Variants in POGK observed in about 807,000 individuals in gnomAD.
POGK encodes the protein pogo transposable element derived with KRAB domain.
Under a neutral mutation model 54.4 loss-of-function variants are expected in POGK, and 16 were observed. The observed-to-expected ratio is 0.29, with a 90% confidence interval of 0.20 to 0.45. The LOEUF is 0.45. Ranked by LOEUF, POGK falls within the 20% of genes least tolerant of loss-of-function variation. POGK has a pLI of 1.00. For synonymous variants in POGK, 271 were observed against 302.2 expected (o/e 0.90, Z 1.07); for missense variants, 515 against 795.6 (o/e 0.65, Z 4.24).
At chr1:166,844,329 A>G (rs139947006) in intron 2 of POGK, among the ~76,000 whole-genome samples, 152 of 152,266 alleles carry the variant, frequency 1.0e-3, no homozygotes, top group African/African-American at 3.6e-3. Flanking sequence ...AGGGAAAGGG[A>G]CTATAAATAG....
intron 1 of POGK, 45 bp downstream of exon 1, chr1:166,839,649 CGG>C (rs1271402611): frequency 6.9e-6 from 1 of 144,250 alleles, no homozygotes; most frequent in Non-Finnish European, 1.5e-5. Context: ...GCCCCTCCCC[CGG>C]GTCCCGGGCG....
rs1290864021 is a variant in POGK, at chr1:166,856,075, TAACA to T, written c.*3510_*3513del. 9.2e-5 allele frequency: 14 copies of T among 151,850 alleles called. No individual in the cohort carries two copies. Among genetic ancestry groups the T allele is most frequent in the Admixed American group, 9.2e-4 (14 of 15,258 alleles). The allele number at this position is 151,850 out of a possible 1,614,324, so 9.4% of individuals were successfully genotyped here. The stretch of plus-strand genomic sequence containing the variant: ...GTGCAGTAGTTCAGGCCTGTAATCC[TAACA>T]AACACTCTGGGAGGCCAAGGTGGGC... On this transcript the variant is annotated 3_prime_UTR_variant, in exon 6 of 6. Coordinates refer to ENST00000367876, the MANE Select transcript of POGK (RefSeq NM_017542.5).
intron 5 of POGK, chr1:166,851,921 CTG>C (rs1242445516): frequency 6.6e-6 from 1 of 152,210 alleles, no homozygotes; most frequent in Non-Finnish European, 1.5e-5. Context: ...ATAAGTCCAT[CTG>C]TGTTTCAAAG....
rs1658236051 is a variant in POGK at position 166,855,269 on chromosome 1, AAAT to A, written c.*2702_*2704del. 6.6e-6 allele frequency: 1 copy of A among 152,160 alleles called. No individual in the cohort carries two copies. The highest frequency in any genetic ancestry group is 6.5e-5 in the Admixed American group (1 of 15,272). The allele number at this position is 152,160 out of a possible 1,614,324, so 9.4% of individuals were successfully genotyped here. On this transcript the variant is annotated 3_prime_UTR_variant, in exon 6 of 6. Transcript: ENST00000367876. ...CACAGTGATAAATTCCTGCAGGAAA[AAAT>A]AAGTTTTATTCTAAGTCTGAAATTA... is the stretch of plus-strand genomic sequence containing the variant.
rs752199812 is a variant in POGK, at chr1:166,840,984, T to C, written c.28T>C (p.Leu10=). 2 of 1,613,980 alleles carry C rather than the reference T, an allele frequency of 1.2e-6. No homozygotes were observed. The highest frequency in any genetic ancestry group is 1.1e-5 in the South Asian group (1 of 91,074). MESTAYPLN[L]SLKEEEEEEE... is the part of the protein sequence containing the mutation. ...GGAGTCCACAGCCTACCCTCTCAATTTGAGCCTGAAAGAAGAGGAAGAGGA... is the reference window on the plus strand; with the variant it reads ...GGAGTCCACAGCCTACCCTCTCAATCTGAGCCTGAAAGAAGAGGAAGAGGA... The change falls in exon 2 of 6, where the codon TTG becomes CTG. Residue 10 remains leucine, a synonymous_variant. Transcript: ENST00000367876.
chr1:166,846,677 G>C lies in POGK; in HGVS notation c.198G>C (p.Glu66Asp), dbSNP rs1657862167. ...FSDEEWEVLT[E>D]QQKALYREVM... The stretch of plus-strand genomic sequence containing the variant: ...ATGAGGAATGGGAAGTTTTGACGGA[G>C]CAACAAAAGGCCCTCTACCGGGAAG... Residue 66 changes from glutamate to aspartate, a missense_variant, in exon 3 of 6, where the codon GAG becomes GAC. Transcript: ENST00000367876. 1 of 1,614,178 alleles carries C rather than the reference G, an allele frequency of 6.2e-7. No homozygotes were observed. Among genetic ancestry groups the C allele is most frequent in the Non-Finnish European group, 8.5e-7 (1 of 1,180,024 alleles).
intron 2 of POGK, among the ~76,000 whole-genome samples, 190 bp from the exon 3 acceptor site, chr1:166,846,422 T>A (rs1657850689): frequency 6.6e-6 from 1 of 152,204 alleles, no homozygotes; most frequent in African/African-American, 2.4e-5. Context: ...ACAGAAGGAC[T>A]GTGCTCTTGC....
chr1:166,847,531 G>A lies in POGK; in HGVS notation c.297G>A (p.Leu99=). 1 of 1,613,996 alleles carries A rather than the reference G, an allele frequency of 6.2e-7. No individual in the cohort carries two copies. The highest frequency in any genetic ancestry group is 8.5e-7 in the Non-Finnish European group (1 of 1,179,902). Residue 99 remains leucine, a synonymous_variant, in exon 4 of 6, where the codon TTG becomes TTA. Transcript: ENST00000367876. ...PFPKPDMITR[L]EGEEESQNSD... ...CTAAGCCAGACATGATCACCCGTTTGGAAGGGGAGGAGGAGTCTCAGAATT... is the reference window on the plus strand; with the variant it reads ...CTAAGCCAGACATGATCACCCGTTTAGAAGGGGAGGAGGAGTCTCAGAATT...
At chr1:166,844,135 C>G (rs979573681) in intron 2 of POGK, among the ~76,000 whole-genome samples, 1 of 152,198 alleles carries the variant, frequency 6.6e-6, no homozygotes, top group Admixed American at 6.5e-5. Flanking sequence ...GAAGATCCTC[C>G]GTGGCTCAGT....
rs1022162014 is a variant in POGK at position 166,855,378 on chromosome 1, C to A, written c.*2808C>A. ...TTGATAATAAGCATTTGTTTCTTAA[C>A]CTAATTAGAGAAGCGATTGCACTCG... On this transcript the variant is annotated 3_prime_UTR_variant, in exon 6 of 6. Coordinates refer to ENST00000367876, the MANE Select transcript of POGK (RefSeq NM_017542.5). The A allele has an allele frequency of 2.6e-5, 4 of 152,262 alleles. No individual in the cohort carries two copies. The highest frequency in any genetic ancestry group is 9.6e-5 in the African/African-American group (4 of 41,526). The allele number at this position is 152,262 out of a possible 1,614,324, so 9.4% of individuals were successfully genotyped here.
intron 5 of POGK, chr1:166,852,068 C>G (rs143630910): frequency 6.6e-6 from 1 of 152,158 alleles, no homozygotes; most frequent in African/African-American, 2.4e-5. Context: ...ACCAAAATTG[C>G]TTTTTTTTCC....
rs1323204361 is a variant in POGK, at chr1:166,848,927, T to G, written c.359-11T>G. The G allele has an allele frequency of 6.4e-7, 1 of 1,573,686 alleles. No homozygotes were observed. Among genetic ancestry groups the G allele is most frequent in the South Asian group, 1.2e-5 (1 of 83,904 alleles). On this transcript the variant is annotated splice_polypyrimidine_tract_variant and intron_variant, in intron 4 of 5. Coordinates refer to ENST00000367876, the MANE Select transcript of POGK (RefSeq NM_017542.5). ...TGGCATTATTTTTGCCCCTCACTAT[T>G]TGTCTCCCAGAAAATGAAGAATCTG...
In POGK at chr1:166,849,589, A is replaced by C. The variant is rs1657976975; in HGVS notation, c.1010A>C (p.Glu337Ala). The C allele has an allele frequency of 6.2e-7, 1 of 1,614,158 alleles. No homozygotes were observed. The highest frequency in any genetic ancestry group is 1.3e-5 in the African/African-American group (1 of 74,966). ...CAGCACCTGCCGGAAGACCTGACTG[A>C]GAAACTCGTCACTTACCAGCGCAGT... The part of the protein sequence containing the change: ...VPQHLPEDLT[E>A]KLVTYQRSVL... Residue 337 changes from glutamate to alanine, a missense_variant, in exon 5 of 6, where the codon GAG (glutamate) becomes GCG (alanine). Physicochemically the swap from Glu to Ala is moderately radical, Grantham distance 107. Transcript: ENST00000367876.
At chr1:166,850,771 G>A (rs1284113798) in intron 5 of POGK, 1 of 175,698 alleles carries the variant, frequency 5.7e-6, no homozygotes, top group Non-Finnish European at 1.2e-5. Context: ...ATCTGAGGCG[G>A]AACAGTTTCA....
chr1:166,840,433 T>A (rs2101743262), intron 1 of POGK: 1 of 152,822 alleles, frequency 6.5e-6, no homozygotes, highest in East Asian at 1.9e-4. Context: ...AACCTTTGAA[T>A]TTGGAAAATC....
intron 4 of POGK, 59 bp downstream of exon 4, chr1:166,847,651 T>A: frequency 3.0e-6 from 4 of 1,327,408 alleles, no homozygotes; most frequent in Non-Finnish European, 4.3e-6. Flanking sequence ...GAGTGGGATT[T>A]TCAGTGTACA....
At chr1:166,845,278 A>G (rs1657798640) in intron 2 of POGK, among the ~76,000 whole-genome samples, 1 of 151,582 alleles carries the variant, frequency 6.6e-6, no homozygotes, top group Non-Finnish European at 1.5e-5. Flanking sequence ...GAATGGCTTG[A>G]ACTCAGGAGG....
rs1658170923 is a variant in POGK, at chr1:166,853,776, A to G, written c.*1206A>G. 2 of 152,560 alleles carry G rather than the reference A, an allele frequency of 1.3e-5. No homozygotes were observed. The highest frequency in any genetic ancestry group is 4.1e-4 in the South Asian group (2 of 4,826). The allele number at this position is 152,560 out of a possible 1,614,324, so 9.5% of individuals were successfully genotyped here. On this transcript the variant is annotated 3_prime_UTR_variant, in exon 6 of 6. Coordinates refer to ENST00000367876, the MANE Select transcript of POGK (RefSeq NM_017542.5). ...GTAGACTCAGCTCACCTGTATATTT[A>G]AACTGTTCTTGGCATCTTGAAACAC...
chr1:166,846,944 C>A (rs561483182), intron 3 of POGK, among the ~76,000 whole-genome samples: 2 of 152,344 alleles, frequency 1.3e-5, no homozygotes, highest in East Asian at 3.9e-4. Flanking sequence ...TGCCTCAGAA[C>A]TGCCCCCATT....
Sources: allele counts gnomAD v4.1 joint callset (sites outside exome capture counted in the v4.1 genomes callset), GRCh38; gene constraint gnomAD v4.1.1; transcripts MANE v1.5; gene names NCBI Gene and HGNC (gene_info 2026-07-23, HGNC 2026-07-21).